DHCR24: variants seen among roughly 807,000 people sequenced by gnomAD.
The protein encoded by DHCR24 is 24-dehydrocholesterol reductase.
DHCR24 carries 28 observed loss-of-function variants against 61.2 expected under a neutral mutation model. That is an observed-to-expected ratio of 0.46 (90% CI 0.34 to 0.63). The LOEUF (loss-of-function observed/expected upper bound fraction) is 0.63, where lower values mean the gene tolerates loss of function less well. DHCR24 is among the 20% of genes least tolerant of loss of function. The pLI, the probability that DHCR24 is intolerant of heterozygous loss-of-function variation, is 0.01. For missense variants in DHCR24, 538 were observed against 679.1 expected (o/e 0.79, Z 2.31); for synonymous variants, 261 against 275.9 (o/e 0.95, Z 0.54).
rs1160851246 is a variant in DHCR24, at chr1:54,875,253, G to C, written c.494-42C>G. ...CACAGTGTCAGCAGGGAGAGCTGTG[G>C]GTACAGGGTTGGGGGTGGGTTGGAG... On this transcript the variant is annotated intron_variant, in intron 3 of 8. Transcript: ENST00000371269. 3 of 1,597,516 alleles carry C rather than the reference G, an allele frequency of 1.9e-6. No individual in the cohort carries two copies. In the African/African-American group the frequency reaches 4.0e-5, roughly 21 times the overall value.
At chr1:54,882,927 T>C (rs956320674) in intron 2 of DHCR24, among the ~76,000 whole-genome samples, 13 of 152,100 alleles carry the variant, frequency 8.5e-5, no homozygotes, top group African/African-American at 2.9e-4. Flanking sequence ...GTATGTTTGT[T>C]GTCTTGATTG....
At chr1:54,857,365 T>A (rs1279770957) in intron 6 of DHCR24, among the ~76,000 whole-genome samples, 1 of 152,250 alleles carries the variant, frequency 6.6e-6, no homozygotes, top group Non-Finnish European at 1.5e-5. Context: ...CCTGGGGCAA[T>A]GGCCTTCTAT....
chr1:54,875,761 C>G (rs1240520287), intron 3 of DHCR24, among the ~76,000 whole-genome samples, 181 bp downstream of exon 3: 1 of 152,124 alleles, frequency 6.6e-6, no homozygotes, highest in Non-Finnish European at 1.5e-5. Context: ...TTGAGCTGCT[C>G]AGAAATGGAA....
chr1:54,886,812 G>A (rs956296305), intron 1 of DHCR24, 77 bp downstream of exon 1: 3 of 1,259,018 alleles, frequency 2.4e-6, no homozygotes, highest in Non-Finnish European at 3.1e-6. Context: ...CGCAGCTCCC[G>A]TCGCCACCTC....
chr1:54,865,602 T>A (rs1433070750), intron 5 of DHCR24, among the ~76,000 whole-genome samples, 156 bp from the exon 6 acceptor site: 2 of 152,136 alleles, frequency 1.3e-5, no homozygotes, highest in African/African-American at 2.4e-5. Flanking sequence ...GCTGGTGAGG[T>A]TAGGCACAGC....
Position 54,865,361 on chromosome 1 carries a change from T to A in DHCR24, c.962A>T (p.Tyr321Phe), listed in dbSNP as rs1277589621. The change falls in exon 6 of 9, where the codon TAC becomes TTC. Residue 321 changes from tyrosine to phenylalanine, a missense_variant. Transcript: ENST00000371269. ...YLKTNREGLE[Y>F]IPLRHYYHRH... ...GTGGTAGTAGTGTCTCAAGGGAATG[T>A]ACTCCAGGCCCTCTCGGTTTGTCTT... The A allele has an allele frequency of 6.2e-7, 1 of 1,614,192 alleles. No homozygotes were observed. Among genetic ancestry groups the A allele is most frequent in the Non-Finnish European group, 8.5e-7 (1 of 1,180,032 alleles).
chr1:54,861,936 A>C (rs146355597), intron 6 of DHCR24, among the ~76,000 whole-genome samples: 128 of 152,268 alleles, frequency 8.4e-4, no homozygotes, highest in African/African-American at 2.9e-3. Flanking sequence ...AGAAGCAATC[A>C]GAAGAGAACT....
intron 8 of DHCR24, 69 bp from the exon 9 acceptor site, chr1:54,852,455 A>C: frequency 6.4e-7 from 1 of 1,564,350 alleles, no homozygotes; most frequent in East Asian, 2.2e-5. Context: ...GAGAAACCCA[A>C]CTGCTCATTC....
At chr1:54,869,509 T>G (rs1187078879) in intron 5 of DHCR24, among the ~76,000 whole-genome samples, 1 of 152,188 alleles carries the variant, frequency 6.6e-6, no homozygotes, top group African/African-American at 2.4e-5. Flanking sequence ...TAAATGTCAG[T>G]AAGGGCTAAA....
At position 54,851,945 on chromosome 1, in the gene DHCR24, T is replaced by C. The variant is rs1646877605; in HGVS notation, c.*288A>G. On this transcript the variant is annotated 3_prime_UTR_variant, in exon 9 of 9. Coordinates refer to ENST00000371269, the MANE Select transcript of DHCR24 (RefSeq NM_014762.4). Reference sequence around the variant, plus strand: ...AGGTATTACTATCCCTTTCAACTAATGAAGAGACCCGGGCTCAGAGGGGTT... The same window carrying C: ...AGGTATTACTATCCCTTTCAACTAACGAAGAGACCCGGGCTCAGAGGGGTT... 2.1e-6 allele frequency: 1 copy of C among 481,298 alleles called. No homozygotes were observed. The highest frequency in any genetic ancestry group is 3.9e-5 in the East Asian group (1 of 25,474). 29.8% of individuals were successfully genotyped at this position (481,298 alleles called of 1,614,324 possible).
At position 54,860,880 on chromosome 1, in the gene DHCR24, C is replaced by T. The variant is rs1646933358; in HGVS notation, c.1020+4423G>A. ...GCAGGCGCCTGTAGTCCCAGCTACT[C>T]GGGGGGCTGAGGCAGGAGAATGGCA... is the stretch of plus-strand genomic sequence containing the variant. On this transcript the variant is annotated intron_variant, in intron 6 of 8. Transcript: ENST00000371269. Among the ~76,000 whole-genome samples, 3 of 151,078 alleles carry T rather than the reference C, an allele frequency of 2.0e-5. No homozygotes were observed. In the South Asian group the frequency reaches 6.3e-4, roughly 32 times the overall value.
At chr1:54,879,506 A>T (rs908957602) in intron 2 of DHCR24, among the ~76,000 whole-genome samples, 9 of 152,148 alleles carry the variant, frequency 5.9e-5, no homozygotes, top group African/African-American at 2.2e-4. Flanking sequence ...GAGGAAAAAA[A>T]TTTCTTTTAA....
Position 54,850,375 on chromosome 1 carries a change from A to G in DHCR24, c.*1858T>C, listed in dbSNP as rs1456729454. Reference sequence around the variant, plus strand: ...GTCTCCTATGAGAGCTAATGCCAGAATTCACATGCTTTGTAAAATATAGGA... The same window carrying G: ...GTCTCCTATGAGAGCTAATGCCAGAGTTCACATGCTTTGTAAAATATAGGA... On this transcript the variant is annotated 3_prime_UTR_variant, in exon 9 of 9. Transcript: ENST00000371269. The G allele has an allele frequency of 1.3e-5, 2 of 152,284 alleles. No homozygotes were observed. The highest frequency in any genetic ancestry group is 6.5e-5 in the Admixed American group (1 of 15,284). 9.4% of individuals were successfully genotyped at this position (152,284 alleles called of 1,614,324 possible).
In DHCR24 at chr1:54,883,914, C is replaced by T. The variant is rs959733243; in HGVS notation, c.232-141G>A. The stretch of plus-strand genomic sequence containing the variant: ...ACAGAACAATGAAAAGGCCTGCTGG[C>T]CCTACCCTCTGGCACCTCCCTGGCC... On this transcript the variant is annotated intron_variant, in intron 1 of 8. Coordinates refer to ENST00000371269, the MANE Select transcript of DHCR24 (RefSeq NM_014762.4). The surrounding 1 kb of genome is among the most constrained non-coding windows in gnomAD (Gnocchi z 4.3). 30 of 1,193,576 alleles carry T rather than the reference C, an allele frequency of 2.5e-5. No individual in the cohort carries two copies. In the South Asian group the frequency reaches 3.5e-4, roughly 14 times the overall value. 73.9% of individuals were successfully genotyped at this position (1,193,576 alleles called of 1,614,324 possible).
Position 54,886,997 on chromosome 1 carries a change from C to A in DHCR24, c.123G>T (p.Pro41=), listed in dbSNP as rs370228903. ...AGTAGATATCGAAGATAAGCGAGAG[C>A]GGCAGGAGGAAGAGGCACACGAACA... ...RWVFVCLFLL[P]LSLIFDIYYY... The change falls in exon 1 of 9, where the codon CCG becomes CCT. Residue 41 remains proline (P), a synonymous_variant. Transcript: ENST00000371269. The A allele has an allele frequency of 1.2e-6, 2 of 1,613,508 alleles. No individual in the cohort carries two copies. Among genetic ancestry groups the A allele is most frequent in the African/African-American group, 1.3e-5 (1 of 74,904 alleles).
chr1:54,860,086 C>T (rs559205975), intron 6 of DHCR24, among the ~76,000 whole-genome samples: 12 of 152,306 alleles, frequency 7.9e-5, no homozygotes, highest in African/African-American at 2.4e-4. Flanking sequence ...CTCCTCCACC[C>T]CTACCACCGC....
chr1:54,886,712 T>TGCCCCGC, intron 1 of DHCR24, 177 bp downstream of exon 1: 2 of 1,437,166 alleles, frequency 1.4e-6, no homozygotes, highest in Non-Finnish European at 1.8e-6. Flanking sequence ...CCTGTTCTGT[T>TGCCCCGC]CCCCCGCCCC....
chr1:54,886,528 A>G (rs957784354), intron 1 of DHCR24: 22 of 1,165,626 alleles, frequency 1.9e-5, no homozygotes, highest in Non-Finnish European at 2.4e-5. Context: ...CCTTCCCCCA[A>G]TCATTTCCCA....
chr1:54,885,373 C>A (rs78536176), intron 1 of DHCR24, among the ~76,000 whole-genome samples: 1 of 152,162 alleles, frequency 6.6e-6, no homozygotes, highest in Non-Finnish European at 1.5e-5. Flanking sequence ...GAAAAAAGGG[C>A]AACTAGGTCA....
Sources: allele counts gnomAD v4.1 joint callset (sites outside exome capture counted in the v4.1 genomes callset), GRCh38; gene constraint gnomAD v4.1.1; non-coding constraint Gnocchi (gnomAD v3.1); transcripts MANE v1.5; gene names NCBI Gene and HGNC (gene_info 2026-07-23, HGNC 2026-07-21).